SORT1: variants seen among roughly 807,000 people sequenced by gnomAD.
The protein encoded by SORT1 is sortilin 1, also known as sortilin.
SORT1 carries 39 observed loss-of-function variants against 101.7 expected under a neutral mutation model. That is an observed-to-expected ratio of 0.38 (90% CI 0.30 to 0.50). The LOEUF (loss-of-function observed/expected upper bound fraction) is 0.50. Among genes scored for constraint, SORT1 ranks in the 20% least tolerant of loss-of-function variants. The pLI, the probability that SORT1 is intolerant of heterozygous loss-of-function variation, is 0.90. For synonymous variants in SORT1, 396 were observed against 393.7 expected, an observed-to-expected ratio of 1.01 and a Z score of -0.07; for missense variants, 878 against 1,040.4, an observed-to-expected ratio of 0.84 and a Z score of 2.15.
At chr1:109,343,675 G>C (rs187088530) in intron 8 of SORT1, among the ~76,000 whole-genome samples, 1 of 152,082 alleles carries the variant, frequency 6.6e-6, no homozygotes, top group Non-Finnish European at 1.5e-5. Context: ...TTGAGACAGA[G>C]TCTCACTCTG....
intron 1 of SORT1, among the ~76,000 whole-genome samples, chr1:109,388,912 A>G (rs1311086836): frequency 1.3e-5 from 2 of 152,212 alleles, no homozygotes; most frequent in African/African-American, 2.4e-5. Flanking sequence ...TATTAACAAA[A>G]GTTTGACATA....
chr1:109,309,810 G>C lies in SORT1; in HGVS notation c.*4233C>G, dbSNP rs559677326. The C allele has an allele frequency of 6.6e-6, 1 of 152,488 alleles. No homozygotes were observed. The highest frequency in any genetic ancestry group is 1.5e-5 in the Non-Finnish European group (1 of 68,028). 9.4% of individuals were successfully genotyped at this position (152,488 alleles called of 1,614,324 possible). On this transcript the variant is annotated 3_prime_UTR_variant, in exon 20 of 20. Transcript: ENST00000256637. The stretch of plus-strand genomic sequence containing the variant: ...TGCAATTTTCTGTCCTAAGGGAATA[G>C]AAAACTTGGGTTTTTAGGGCACATG...
intron 10 of SORT1, among the ~76,000 whole-genome samples, chr1:109,340,430 C>T (rs1649133577): frequency 6.6e-6 from 1 of 152,070 alleles, no homozygotes; most frequent in South Asian, 2.1e-4. Context: ...AGTGCTTGTG[C>T]ACCTGGTGCA....
At chr1:109,340,696 A>C (rs746416173) in intron 10 of SORT1, 28 bp downstream of exon 10, 138 of 1,612,910 alleles carry the variant, frequency 8.6e-5, no homozygotes, top group Non-Finnish European at 1.1e-4. Context: ...CTGAAGGCAC[A>C]GTACACCACT....
Position 109,354,413 on chromosome 1 carries a change from A to C in SORT1, c.662T>G (p.Met221Arg). The C allele has an allele frequency of 6.2e-7, 1 of 1,613,606 alleles. No homozygotes were observed. Among genetic ancestry groups the C allele is most frequent in the Non-Finnish European group, 8.5e-7 (1 of 1,179,542 alleles). Residue 221 changes from methionine to arginine, a missense_variant, in exon 5 of 20, where the codon ATG becomes AGG. Met to Arg is a moderately conservative substitution (Grantham distance 91). Coordinates refer to ENST00000256637, the MANE Select transcript of SORT1 (RefSeq NM_002959.7). ...ATAATCAGAATTCTGAGGGCTATAC[A>C]TCATCTGAGTGAGAGGATGAAAAGG... is the stretch of plus-strand genomic sequence containing the variant. ...DLPFHPLTQM[M>R]YSPQNSDYLL...
intron 1 of SORT1, among the ~76,000 whole-genome samples, chr1:109,372,502 G>A (rs991495366): frequency 9.2e-5 from 14 of 152,184 alleles, no homozygotes; most frequent in African/African-American, 2.4e-4. Context: ...TGACAGACAT[G>A]AGTATGAAAT....
chr1:109,355,516 A>T, intron 3 of SORT1, 47 bp from the exon 4 acceptor site: 2 of 850,900 alleles, frequency 2.4e-6, no homozygotes, highest in Non-Finnish European at 4.1e-6. Flanking sequence ...GTGGTCATGG[A>T]TATTACTGAG....
At chr1:109,326,220 C>CA (rs983135056) in intron 13 of SORT1, among the ~76,000 whole-genome samples, 6 of 135,246 alleles carry the variant, frequency 4.4e-5, no homozygotes, top group Non-Finnish European at 9.7e-5. Context: ...GCTAATTTTT[C>CA]TTTTTTTTTT....
In SORT1 at chr1:109,360,698, T is replaced by A. The variant is rs909969783; in HGVS notation, c.441-5229A>T. On this transcript the variant is annotated intron_variant, in intron 3 of 19. Coordinates refer to ENST00000256637, the MANE Select transcript of SORT1 (RefSeq NM_002959.7). The stretch of plus-strand genomic sequence containing the variant: ...TATGCTCTGTCCTACAGGTCCAATA[T>A]TGGGGAGGGGGTCCCTCCTCTTCCC... Among the ~76,000 whole-genome samples the A allele has an allele frequency of 1.3e-4, 20 of 152,128 alleles. 2 individuals are homozygous for A. The highest frequency in any genetic ancestry group is 1.0e-3 in the Admixed American group (16 of 15,274).
intron 11 of SORT1, among the ~76,000 whole-genome samples, chr1:109,335,162 G>A (rs1397353588): frequency 2.6e-5 from 4 of 152,110 alleles, no homozygotes; most frequent in Non-Finnish European, 5.9e-5. Context: ...GATAAGGTGA[G>A]CAATGACAAT....
intron 1 of SORT1, 54 bp downstream of exon 1, chr1:109,397,533 G>A: frequency 1.9e-6 from 2 of 1,079,132 alleles, no homozygotes; most frequent in Non-Finnish European, 2.3e-6. Flanking sequence ...GCCGGGAGGG[G>A]CACGCGGGCG....
chr1:109,360,021 GA>G (rs747691383), intron 3 of SORT1, among the ~76,000 whole-genome samples: 2 of 152,084 alleles, frequency 1.3e-5, no homozygotes, highest in Non-Finnish European at 2.9e-5. Flanking sequence ...AAGGGAAATG[GA>G]AAAGACGAAA....
At chr1:109,346,741 T>A (rs1243652098) in intron 7 of SORT1, among the ~76,000 whole-genome samples, 4 of 129,746 alleles carry the variant, frequency 3.1e-5, no homozygotes, top group African/African-American at 1.2e-4. Flanking sequence ...CAAGACTCCG[T>A]CTCAAAAAAA....
At chr1:109,351,039 T>C in intron 5 of SORT1, 37 bp from the exon 6 acceptor site, 1 of 1,365,392 alleles carries the variant, frequency 7.3e-7, no homozygotes, top group Non-Finnish European at 1.0e-6. Context: ...AATTCTAGCT[T>C]TATCCTGTGT....
intron 1 of SORT1, among the ~76,000 whole-genome samples, chr1:109,376,239 G>T (rs1370159604): frequency 2.0e-5 from 3 of 151,674 alleles, no homozygotes; most frequent in African/African-American, 7.3e-5. Context: ...GCTGAGGCAG[G>T]AGAATGGCGT....
chr1:109,358,973 T>A (rs375608271), intron 3 of SORT1, among the ~76,000 whole-genome samples: 10 of 152,276 alleles, frequency 6.6e-5, no homozygotes, highest in Admixed American at 2.0e-4. Context: ...GGTGTAAACA[T>A]GCACATGTTT....
Position 109,354,331 on chromosome 1 carries a change from T to C in SORT1, c.708+36A>G, listed in dbSNP as rs1389529585. 9 of 1,568,266 alleles carry C rather than the reference T, an allele frequency of 5.7e-6. No individual in the cohort carries two copies. The East Asian group carries it at 1.8e-4, about 31-fold the overall frequency. On this transcript the variant is annotated intron_variant, in intron 5 of 19. Transcript: ENST00000256637. The stretch of plus-strand genomic sequence containing the variant: ...AGACAGTACATTTGAGACTATAAAA[T>C]GCAAAAGGCAAACCATGTTCCTCAA...
chr1:109,364,943 A>G (rs1424343788), intron 3 of SORT1, among the ~76,000 whole-genome samples: 2 of 152,200 alleles, frequency 1.3e-5, no homozygotes, highest in African/African-American at 2.4e-5. Context: ...GACTTTCCCA[A>G]GTTCATTCTG....
At chr1:109,325,222 T>C (rs1647909877) in intron 13 of SORT1, 133 bp from the exon 14 acceptor site, 1 of 456,498 alleles carries the variant, frequency 2.2e-6, no homozygotes, top group Admixed American at 4.1e-5. Context: ...TGGCTGACAA[T>C]TATTTTAACT....
Sources: allele counts gnomAD v4.1 joint callset (sites outside exome capture counted in the v4.1 genomes callset), GRCh38; gene constraint gnomAD v4.1.1; transcripts MANE v1.5; gene names NCBI Gene and HGNC (gene_info 2026-07-23, HGNC 2026-07-21).